Variants in GAB1 observed in about 807,000 individuals in gnomAD.
The protein encoded by GAB1 is GRB2-associated-binding protein 1.
Under a neutral mutation model 66.5 loss-of-function variants are expected in GAB1, and 19 were observed. The ratio of observed to expected loss-of-function variants is 0.29; its 90% CI spans 0.20 to 0.42. The LOEUF (loss-of-function observed/expected upper bound fraction) is 0.42. Ranked by LOEUF, GAB1 falls within the 10% of genes least tolerant of loss-of-function variation. The pLI, the probability that GAB1 is intolerant of heterozygous loss-of-function variation, is 1.00. For synonymous variants in GAB1, 294 were observed against 301.4 expected, an observed-to-expected ratio of 0.98 and a Z score of 0.25; for missense variants, 732 against 858.5, an observed-to-expected ratio of 0.85 and a Z score of 1.84.
intron 1 of GAB1, among the ~76,000 whole-genome samples, chr4:143,409,392 C>T (rs188274131): frequency 1.4e-4 from 21 of 149,410 alleles, no homozygotes; most frequent in South Asian, 4.4e-4. Context: ...ACTTTCCCCC[C>T]CCCCGCTCTG....
intron 8 of GAB1, among the ~76,000 whole-genome samples, chr4:143,462,879 C>A (rs1461948010): frequency 6.6e-6 from 1 of 152,142 alleles, no homozygotes; most frequent in East Asian, 1.9e-4. Flanking sequence ...GCAGGATGGT[C>A]TCAAACTCCC....
intron 2 of GAB1, among the ~76,000 whole-genome samples, chr4:143,419,066 G>A (rs1379808003): frequency 2.0e-5 from 3 of 152,122 alleles, no homozygotes; most frequent in African/African-American, 7.2e-5. Context: ...TATATTAGGT[G>A]ATTAGTTAAG....
chr4:143,465,199 A>G (rs963149115), intron 8 of GAB1, among the ~76,000 whole-genome samples: 2 of 152,158 alleles, frequency 1.3e-5, no homozygotes, highest in African/African-American at 2.4e-5. Context: ...GAGGGAATAT[A>G]TAGGGACTTA....
chr4:143,463,552 G>A (rs896407670), intron 8 of GAB1, among the ~76,000 whole-genome samples: 3 of 145,550 alleles, frequency 2.1e-5, no homozygotes, highest in Admixed American at 7.1e-5. Flanking sequence ...GAGCCCAGGA[G>A]ACAGAGATTG....
At chr4:143,433,773 ACTGAGATTCTTAC>A in intron 3 of GAB1, 57 bp downstream of exon 3, 2 of 1,343,286 alleles carry the variant, frequency 1.5e-6, no homozygotes, top group Admixed American at 3.5e-5. Flanking sequence ...GTGTGTACAC[ACTGAGATTCTTAC>A]CTTTAAACTT....
intron 3 of GAB1, among the ~76,000 whole-genome samples, chr4:143,436,501 G>T (rs1489240251): frequency 6.6e-6 from 1 of 152,174 alleles, no homozygotes; most frequent in Non-Finnish European, 1.5e-5. Context: ...GACAGTAGAG[G>T]AAATTCCACT....
intron 1 of GAB1, among the ~76,000 whole-genome samples, chr4:143,354,396 A>G (rs941914504): frequency 1.3e-5 from 2 of 152,140 alleles, no homozygotes; most frequent in Non-Finnish European, 2.9e-5. Flanking sequence ...ACAAGTGTAA[A>G]TGCTCTTAGA....
At chr4:143,361,286 C>T (rs11736775) in intron 1 of GAB1, among the ~76,000 whole-genome samples, 14 of 152,138 alleles carry the variant, frequency 9.2e-5, no homozygotes, top group African/African-American at 3.4e-4. Context: ...ATTTATTCAT[C>T]TTGTCCTTCC....
intron 2 of GAB1, 48 bp downstream of exon 2, chr4:143,415,819 C>T (rs146525690): frequency 1.1e-4 from 145 of 1,338,660 alleles, no homozygotes; most frequent in Non-Finnish European, 1.4e-4. Context: ...TTTTCTGCTA[C>T]ATTTCCAGAA....
At chr4:143,414,596 A>G (rs1412783812) in intron 1 of GAB1, among the ~76,000 whole-genome samples, 1 of 152,192 alleles carries the variant, frequency 6.6e-6, no homozygotes, top group Non-Finnish European at 1.5e-5. Flanking sequence ...AAAGAGAGAC[A>G]CAATCAATTG....
At chr4:143,461,692 A>G (rs968504534) in intron 8 of GAB1, among the ~76,000 whole-genome samples, 1 of 152,224 alleles carries the variant, frequency 6.6e-6, no homozygotes, top group Admixed American at 6.5e-5. Context: ...GAGAGCAGGT[A>G]TTGAGGGACA....
chr4:143,350,534 T>G (rs1310851772), intron 1 of GAB1, among the ~76,000 whole-genome samples: 2 of 151,894 alleles, frequency 1.3e-5, no homozygotes, highest in Non-Finnish European at 2.9e-5. Flanking sequence ...AAAAATTAGT[T>G]GGGCGTGGTG....
intron 1 of GAB1, among the ~76,000 whole-genome samples, chr4:143,358,571 A>G (rs1159258972): frequency 6.6e-6 from 1 of 152,234 alleles, no homozygotes; most frequent in African/African-American, 2.4e-5. Flanking sequence ...AAGTACACAC[A>G]TGAAACTAAA....
chr4:143,416,070 A>G (rs966108295), intron 2 of GAB1, among the ~76,000 whole-genome samples: 2 of 152,206 alleles, frequency 1.3e-5, no homozygotes, highest in African/African-American at 4.8e-5. Flanking sequence ...CAGTTTAACC[A>G]TATAACACTG....
At chr4:143,435,222 C>T (rs1733885019) in intron 3 of GAB1, among the ~76,000 whole-genome samples, 1 of 151,964 alleles carries the variant, frequency 6.6e-6, no homozygotes, top group Non-Finnish European at 1.5e-5. Flanking sequence ...ATGGAAATAG[C>T]TCATATTCAT....
intron 6 of GAB1, among the ~76,000 whole-genome samples, chr4:143,441,681 C>G (rs1224875900): frequency 3.3e-5 from 5 of 152,134 alleles, no homozygotes; most frequent in South Asian, 2.1e-4. Context: ...GGTTTGTTCT[C>G]TTTCACATTC....
intron 1 of GAB1, among the ~76,000 whole-genome samples, chr4:143,387,409 G>A (rs1309558040): frequency 1.3e-5 from 2 of 152,208 alleles, no homozygotes; most frequent in African/African-American, 4.8e-5. Flanking sequence ...GGGATAACAG[G>A]CGTGAGCCAC....
intron 1 of GAB1, chr4:143,395,901 G>C (rs952854773): frequency 1.1e-5 from 5 of 455,384 alleles, no homozygotes; most frequent in Admixed American, 9.4e-5. Flanking sequence ...CCCGCCCCCG[G>C]GAGAGCAGCG....
chr4:143,452,017 G>T (rs1000235300), intron 6 of GAB1, among the ~76,000 whole-genome samples: 3 of 152,172 alleles, frequency 2.0e-5, no homozygotes, highest in African/African-American at 7.2e-5. Context: ...TTAGGGTTGT[G>T]TGAAATCGTG....
Sources: allele counts gnomAD v4.1 joint callset (sites outside exome capture counted in the v4.1 genomes callset), GRCh38; gene constraint gnomAD v4.1.1; transcripts MANE v1.5; gene names NCBI Gene and HGNC (gene_info 2026-07-23, HGNC 2026-07-21).